SLC25A24: variants seen among roughly 807,000 people sequenced by gnomAD.
SLC25A24 encodes solute carrier family 25 member 24.
A neutral mutation model predicts 60.7 loss-of-function variants in SLC25A24; 49 were observed. That is an observed-to-expected ratio of 0.81 (90% CI 0.64 to 1.02). The LOEUF is 1.02. Ranked by LOEUF, SLC25A24 falls within the 50% of genes least tolerant of loss-of-function variation. The pLI, the probability that SLC25A24 is intolerant of heterozygous loss-of-function variation, is 0.00. For synonymous variants in SLC25A24, 202 were observed against 200.6 expected (o/e 1.01, Z -0.06); for missense variants, 564 against 586.3 (o/e 0.96, Z 0.39).
intron 1 of SLC25A24, among the ~76,000 whole-genome samples, chr1:108,187,929 T>TAGATAGATAGATAG (rs1225496682): frequency 7.5e-6 from 1 of 132,696 alleles, no homozygotes; most frequent in African/African-American, 2.9e-5. Context: ...ACATTATAGA[T>TAGATAGATAGATAG]ATATATATAT....
chr1:108,164,708 G>A (rs1326037542), intron 3 of SLC25A24, among the ~76,000 whole-genome samples: 10 of 147,968 alleles, frequency 6.8e-5, no homozygotes, highest in Non-Finnish European at 8.9e-5. Flanking sequence ...TCTTGCTAGC[G>A]GTCTATCAAT....
chr1:108,152,064 CAAT>C (rs1679770278), intron 6 of SLC25A24, among the ~76,000 whole-genome samples: 4 of 152,300 alleles, frequency 2.6e-5, no homozygotes, highest in Admixed American at 6.5e-5. Flanking sequence ...TCTCCCCCAA[CAAT>C]GTCTCCACTC....
In SLC25A24 at chr1:108,174,364, G is replaced by A. The variant is rs554651427; in HGVS notation, c.398+7577C>T. Among the ~76,000 whole-genome samples, 4 of 152,342 alleles carry A rather than the reference G, an allele frequency of 2.6e-5. No individual in the cohort carries two copies. The East Asian group carries it at 5.8e-4, about 22-fold the overall frequency. ...CCCCAAGCCCTGGCAGCTTCCACAA[G>A]GTGTTGAGTCTGCGGGCACACAGAA... is the stretch of plus-strand genomic sequence containing the variant. On this transcript the variant is annotated intron_variant, in intron 3 of 9. Transcript: ENST00000565488.
In SLC25A24 at chr1:108,192,704, A is replaced by G. The variant is rs1339324536; in HGVS notation, c.184-6750T>C. 2.8e-6 allele frequency: 4 copies of G among 1,441,948 alleles called. 1 individual carries two copies. The highest frequency in any genetic ancestry group is 3.7e-6 in the Non-Finnish European group (4 of 1,086,834). The allele number at this position is 1,441,948 out of a possible 1,614,324, so 89.3% of individuals were successfully genotyped here. On this transcript the variant is annotated intron_variant, in intron 1 of 9. Transcript: ENST00000565488. ...CGACCGACGAACGGGATCTCTGCCC[A>G]CCACACACGTCCAGTGGGAAGAGGC... is the stretch of plus-strand genomic sequence containing the variant.
rs551067076 is a variant in SLC25A24 at position 108,200,285 on chromosome 1, G to A, written c.-147C>T. 1.7e-5 allele frequency: 6 copies of A among 361,808 alleles called. No homozygotes were observed. Among genetic ancestry groups the A allele is most frequent in the African/African-American group, 8.5e-5 (2 of 23,428 alleles). 22.4% of individuals were successfully genotyped at this position (361,808 alleles called of 1,614,324 possible). A position where few individuals can be genotyped will look rare whatever the true frequency, so the allele number is the denominator to read the frequency against. ...GCCGTCGGGGTTGCGGCTGCGGCGC[G>A]CAGGGCGCAGGGCGCAGGAGCGGAG... On this transcript the variant is annotated 5_prime_UTR_variant, in exon 1 of 10. Transcript: ENST00000565488.
chr1:108,166,792 G>C (rs190556392), intron 3 of SLC25A24, among the ~76,000 whole-genome samples: 52 of 152,270 alleles, frequency 3.4e-4, no homozygotes, highest in Non-Finnish European at 6.8e-4. Context: ...CTCTCAGCTC[G>C]TCAGAGTCAT....
intron 4 of SLC25A24, among the ~76,000 whole-genome samples, chr1:108,159,469 T>G (rs896047852): frequency 6.6e-6 from 1 of 151,198 alleles, no homozygotes; most frequent in African/African-American, 2.4e-5. Flanking sequence ...GGGTTGTTTT[T>G]TTTTTTTTTT....
intron 7 of SLC25A24, among the ~76,000 whole-genome samples, chr1:108,144,657 A>G (rs1679538348): frequency 6.6e-6 from 1 of 151,942 alleles, no homozygotes. Context: ...TTCAACTCCA[A>G]CTTATGAGTG....
intron 5 of SLC25A24, among the ~76,000 whole-genome samples, chr1:108,157,174 A>C (rs1679924524): frequency 6.6e-6 from 1 of 152,240 alleles, no homozygotes; most frequent in Admixed American, 6.5e-5. Context: ...ATAAATCAGG[A>C]GAATCCTACA....
intron 3 of SLC25A24, among the ~76,000 whole-genome samples, chr1:108,165,780 T>G (rs980308744): frequency 5.8e-4 from 88 of 152,318 alleles, no homozygotes; most frequent in African/African-American, 2.0e-3. Flanking sequence ...ATTGGAGCAT[T>G]TAGTCCATTT....
At chr1:108,166,209 C>G (rs1487741319) in intron 3 of SLC25A24, among the ~76,000 whole-genome samples, 1 of 152,194 alleles carries the variant, frequency 6.6e-6, no homozygotes, top group African/African-American at 2.4e-5. Flanking sequence ...CGACCTTTCT[C>G]TCTGGCTGCC....
intron 6 of SLC25A24, among the ~76,000 whole-genome samples, chr1:108,149,471 G>T (rs1679697596): frequency 2.0e-5 from 3 of 152,142 alleles, no homozygotes; most frequent in African/African-American, 7.2e-5. Flanking sequence ...GTTATGGAAA[G>T]GATTACAAAA....
intron 3 of SLC25A24, among the ~76,000 whole-genome samples, chr1:108,178,228 G>C (rs1422145635): frequency 1.3e-5 from 2 of 152,108 alleles, no homozygotes; most frequent in Non-Finnish European, 2.9e-5. Flanking sequence ...TCTGAAAGGA[G>C]AGAGAGACTG....
chr1:108,195,816 T>C lies in SLC25A24; in HGVS notation c.183+4140A>G, dbSNP rs554465407. Among the ~76,000 whole-genome samples, 5 of 152,148 alleles carry C rather than the reference T, an allele frequency of 3.3e-5. No homozygotes were observed. The South Asian group carries it at 8.3e-4, about 25-fold the overall frequency. On this transcript the variant is annotated intron_variant, in intron 1 of 9. Transcript: ENST00000565488. ...GAATTCAAGACCAGCCTGACCAAAA[T>C]GGCAAAATCCCATCTCTACTAGAAA...
chr1:108,160,776 C>T (rs979599917), intron 4 of SLC25A24, among the ~76,000 whole-genome samples: 37 of 152,320 alleles, frequency 2.4e-4, no homozygotes, highest in African/African-American at 7.7e-4. Flanking sequence ...AGCGAAACCC[C>T]GTCTCCACCA....
intron 3 of SLC25A24, among the ~76,000 whole-genome samples, chr1:108,178,719 C>T (rs1200568686): frequency 6.6e-6 from 1 of 151,814 alleles, no homozygotes; most frequent in African/African-American, 2.4e-5. Flanking sequence ...GAGGCTGAGG[C>T]AGGAGAATGA....
At chr1:108,156,867 T>A (rs1160802825) in intron 5 of SLC25A24, among the ~76,000 whole-genome samples, 1 of 152,194 alleles carries the variant, frequency 6.6e-6, no homozygotes, top group Non-Finnish European at 1.5e-5. Context: ...AAGTCAATTC[T>A]CTGGGCCTCA....
chr1:108,153,537 GT>G (rs929222586), intron 6 of SLC25A24, among the ~76,000 whole-genome samples: 1 of 152,170 alleles, frequency 6.6e-6, no homozygotes, highest in African/African-American at 2.4e-5. Flanking sequence ...GAGATGCTTA[GT>G]ATATGCTTGT....
intron 3 of SLC25A24, among the ~76,000 whole-genome samples, chr1:108,179,499 T>C (rs1647835768): frequency 6.6e-6 from 1 of 152,086 alleles, no homozygotes; most frequent in African/African-American, 2.4e-5. Context: ...ATAGCCAAGA[T>C]ACGGAATCAA....
Sources: allele counts gnomAD v4.1 joint callset (sites outside exome capture counted in the v4.1 genomes callset), GRCh38; gene constraint gnomAD v4.1.1; transcripts MANE v1.5; gene names NCBI Gene and HGNC (gene_info 2026-07-23, HGNC 2026-07-21).